Variants in AMBRA1 observed in about 807,000 individuals in gnomAD.
The protein encoded by AMBRA1 is autophagy and beclin 1 regulator 1.
A neutral mutation model predicts 125.4 loss-of-function variants in AMBRA1; 47 were observed. That is an observed-to-expected ratio of 0.37 (90% CI 0.30 to 0.48). AMBRA1 has a LOEUF of 0.48. Among genes scored for constraint, AMBRA1 ranks in the 20% least tolerant of loss-of-function variants. The probability of loss-of-function intolerance (pLI) is 0.99; values close to 1 mark genes in which losing one functional copy is unlikely to be tolerated. For synonymous variants in AMBRA1, 626 were observed against 655.5 expected (o/e 0.95, Z 0.69); for missense variants, 1,331 against 1,693.4 (o/e 0.79, Z 3.76).
At chr11:46,419,166 C>G (rs1002173864) in intron 14 of AMBRA1, among the ~76,000 whole-genome samples, 1 of 152,122 alleles carries the variant, frequency 6.6e-6, no homozygotes, top group Middle Eastern at 3.2e-3. Flanking sequence ...TATAAATCAC[C>G]GTTAAATTGA....
In AMBRA1 at chr11:46,397,803, T is replaced by C; in HGVS notation, c.3544A>G (p.Ile1182Val). 2 of 1,608,566 alleles carry C rather than the reference T, an allele frequency of 1.2e-6. No individual in the cohort carries two copies. The highest frequency in any genetic ancestry group is 1.7e-6 in the Non-Finnish European group (2 of 1,179,974). The part of the protein sequence containing the change: ...MASMGGFGNN[I>V]IVSHRIHRSS... ...CGGTGAATGCGGTGGCTGACGATGA[T>C]GTTGTTGCCGAAGCCGCCCATGGAG... is the stretch of plus-strand genomic sequence containing the variant. Residue 1182 changes from isoleucine (I) to valine (V), a missense_variant, in exon 18 of 18, where the codon ATC (isoleucine) becomes GTC (valine). Transcript: ENST00000683756.
chr11:46,450,983 T>C (rs1024570404), intron 11 of AMBRA1, among the ~76,000 whole-genome samples: 7 of 152,112 alleles, frequency 4.6e-5, no homozygotes, highest in African/African-American at 1.7e-4. Flanking sequence ...ATGGGAACTG[T>C]CTGTATTTTC....
intron 11 of AMBRA1, among the ~76,000 whole-genome samples, chr11:46,457,641 C>T (rs1050488434): frequency 2.0e-5 from 3 of 152,130 alleles, no homozygotes; most frequent in Non-Finnish European, 4.4e-5. Flanking sequence ...TGGCTCACGC[C>T]TATAATCCCA....
intron 11 of AMBRA1, among the ~76,000 whole-genome samples, chr11:46,473,914 T>C (rs1454587405): frequency 6.6e-6 from 1 of 152,216 alleles, no homozygotes; most frequent in African/African-American, 2.4e-5. Context: ...CTTCCCAAAG[T>C]GCTGGGATTA....
chr11:46,497,962 G>A (rs1256255474), intron 9 of AMBRA1, among the ~76,000 whole-genome samples: 1 of 152,156 alleles, frequency 6.6e-6, no homozygotes, highest in Non-Finnish European at 1.5e-5. Context: ...TCCAATAGAA[G>A]AGCACAGGAA....
chr11:46,399,084 A>AT (rs546601006), intron 17 of AMBRA1, among the ~76,000 whole-genome samples: 84 of 149,538 alleles, frequency 5.6e-4, no homozygotes, highest in African/African-American at 2.0e-3. Context: ...ATATTTATTT[A>AT]TTTTTTTGAA....
intron 11 of AMBRA1, among the ~76,000 whole-genome samples, chr11:46,488,163 T>G (rs1260935432): frequency 6.6e-6 from 1 of 152,072 alleles, no homozygotes; most frequent in Non-Finnish European, 1.5e-5. Flanking sequence ...AATCAAAAAT[T>G]GACAAAATTG....
chr11:46,559,437 T>A (rs1374596479), intron 1 of AMBRA1, among the ~76,000 whole-genome samples: 1 of 152,088 alleles, frequency 6.6e-6, no homozygotes, highest in Non-Finnish European at 1.5e-5. Context: ...GACTAATCCA[T>A]CACTACCTCA....
At chr11:46,545,897 T>C (rs1483373592) in intron 4 of AMBRA1, 121 bp from the exon 5 acceptor site, 21 of 852,636 alleles carry the variant, frequency 2.5e-5, no homozygotes, top group South Asian at 1.2e-4. Flanking sequence ...TTTAAATACA[T>C]CCTCTGTAAA....
intron 11 of AMBRA1, among the ~76,000 whole-genome samples, chr11:46,460,341 A>G (rs948297200): frequency 2.3e-5 from 3 of 127,826 alleles, no homozygotes; most frequent in Admixed American, 2.3e-4. Flanking sequence ...TTTTTTTTTG[A>G]GACGGAGTCT....
intron 7 of AMBRA1, among the ~76,000 whole-genome samples, chr11:46,533,589 C>T (rs527297158): frequency 2.3e-4 from 35 of 152,280 alleles, no homozygotes; most frequent in African/African-American, 8.4e-4. Flanking sequence ...CCTCTCTTAT[C>T]TTGACAGAAC....
intron 7 of AMBRA1, among the ~76,000 whole-genome samples, chr11:46,526,539 A>T (rs1190803372): frequency 6.7e-6 from 1 of 150,126 alleles, no homozygotes; most frequent in South Asian, 2.1e-4. Flanking sequence ...TAAAAAAAAA[A>T]TTAAAATTAA....
chr11:46,578,620 A>G (rs1308755741), intron 1 of AMBRA1, among the ~76,000 whole-genome samples: 1 of 152,026 alleles, frequency 6.6e-6, no homozygotes, highest in Non-Finnish European at 1.5e-5. Context: ...ACAGTGGTTC[A>G]CGCCTGTAAT....
intron 12 of AMBRA1, among the ~76,000 whole-genome samples, chr11:46,440,797 T>G (rs1413491823): frequency 6.6e-6 from 1 of 152,216 alleles, no homozygotes; most frequent in Non-Finnish European, 1.5e-5. Context: ...AAAATTAAAC[T>G]GATTTTCCTT....
At chr11:46,564,386 TC>T (rs2043449340) in intron 1 of AMBRA1, among the ~76,000 whole-genome samples, 1 of 152,090 alleles carries the variant, frequency 6.6e-6, no homozygotes, top group South Asian at 2.1e-4. Context: ...TCTCACTTTT[TC>T]CTCACAATGA....
chr11:46,464,061 T>G (rs1225672876), intron 11 of AMBRA1, among the ~76,000 whole-genome samples: 2 of 152,086 alleles, frequency 1.3e-5, no homozygotes, highest in South Asian at 2.1e-4. Flanking sequence ...AAAAGATAAG[T>G]GGGGATGCTG....
At chr11:46,518,985 G>A (rs1033595414) in intron 7 of AMBRA1, among the ~76,000 whole-genome samples, 7 of 152,066 alleles carry the variant, frequency 4.6e-5, no homozygotes, top group South Asian at 2.1e-4. Context: ...AAAAGTGGTC[G>A]GAGCAGATCA....
intron 7 of AMBRA1, among the ~76,000 whole-genome samples, chr11:46,540,905 T>A (rs543575430): frequency 6.6e-6 from 1 of 152,224 alleles, no homozygotes; most frequent in Non-Finnish European, 1.5e-5. Context: ...GTTAGAAAAT[T>A]TGTAACCATT....
At chr11:46,578,072 C>T (rs989119820) in intron 1 of AMBRA1, among the ~76,000 whole-genome samples, 2 of 152,004 alleles carry the variant, frequency 1.3e-5, no homozygotes, top group Non-Finnish European at 2.9e-5. Flanking sequence ...CAGTGAACTA[C>T]AATCACCACT....
Sources: allele counts gnomAD v4.1 joint callset (sites outside exome capture counted in the v4.1 genomes callset), GRCh38; gene constraint gnomAD v4.1.1; transcripts MANE v1.5; gene names NCBI Gene and HGNC (gene_info 2026-07-23, HGNC 2026-07-21).